PSME4: variants seen among roughly 807,000 people sequenced by gnomAD.
PSME4 encodes proteasome activator subunit 4.
PSME4 carries 89 observed loss-of-function variants against 253.9 expected under a neutral mutation model. That is an observed-to-expected ratio of 0.35 (90% CI 0.30 to 0.42). The LOEUF is 0.42. Ranked by LOEUF, PSME4 falls within the 10% of genes least tolerant of loss-of-function variation. PSME4 has a pLI of 1.00. For synonymous variants in PSME4, 851 were observed against 759.2 expected (o/e 1.12, Z -1.99); for missense variants, 2,014 against 2,195.2 (o/e 0.92, Z 1.65).
chr2:53,873,525 G>A (rs190195852), intron 43 of PSME4, among the ~76,000 whole-genome samples: 62 of 152,232 alleles, frequency 4.1e-4, no homozygotes, highest in Non-Finnish European at 6.3e-4. Flanking sequence ...TTAAAAAGTA[G>A]TATCTCATGC....
At chr2:53,938,474 C>CTTT (rs772903727) in intron 4 of PSME4, among the ~76,000 whole-genome samples, 1 of 132,876 alleles carries the variant, frequency 7.5e-6, no homozygotes, top group African/African-American at 2.8e-5. Flanking sequence ...CCTTAATGGG[C>CTTT]TTTTTTTTTT....
chr2:53,892,785 C>T (rs1219422388), intron 36 of PSME4, 23 bp downstream of exon 36: 2 of 1,595,340 alleles, frequency 1.3e-6, no homozygotes, highest in African/African-American at 2.7e-5. Context: ...AGGAAATGTT[C>T]TGTACAAATA....
intron 36 of PSME4, among the ~76,000 whole-genome samples, chr2:53,890,704 A>G (rs1404024320): frequency 1.3e-5 from 2 of 152,198 alleles, no homozygotes; most frequent in African/African-American, 4.8e-5. Context: ...AATATTCAGA[A>G]AAGAGTAAAT....
chr2:53,960,955 A>G (rs1670471493), intron 1 of PSME4, among the ~76,000 whole-genome samples: 1 of 152,090 alleles, frequency 6.6e-6, no homozygotes, highest in Admixed American at 6.6e-5. Flanking sequence ...TAAAAGTACA[A>G]AACTAGCTGG....
At chr2:53,868,575 TA>T (rs377694045) in intron 44 of PSME4, among the ~76,000 whole-genome samples, 2,069 of 106,670 alleles carry the variant, frequency 0.019, 55 homozygotes, top group African/African-American at 0.074. Flanking sequence ...ATATATATTA[TA>T]AAATATATTT....
intron 1 of PSME4, among the ~76,000 whole-genome samples, chr2:53,963,146 T>C (rs1026199257): frequency 3.3e-5 from 5 of 152,062 alleles, no homozygotes; most frequent in Non-Finnish European, 4.4e-5. Context: ...AGCAACATAG[T>C]GAGACTTTGT....
intron 3 of PSME4, among the ~76,000 whole-genome samples, chr2:53,940,273 T>G (rs1387141860): frequency 1.3e-5 from 2 of 152,164 alleles, no homozygotes; most frequent in Non-Finnish European, 2.9e-5. Context: ...GTTTTCAGTC[T>G]TTACAAGGTA....
rs1667757701 is a variant in PSME4, at chr2:53,909,986, A to G, written c.2572+89T>C. 2.6e-6 allele frequency: 3 copies of G among 1,137,144 alleles called. No homozygotes were observed. In the South Asian group the frequency reaches 3.7e-5, roughly 14 times the overall value. 70.4% of individuals were successfully genotyped at this position (1,137,144 alleles called of 1,614,324 possible). A position where few individuals can be genotyped will look rare whatever the true frequency, so the allele number is the denominator to read the frequency against. On this transcript the variant is annotated intron_variant, in intron 21 of 46. Coordinates refer to ENST00000404125, the MANE Select transcript of PSME4 (RefSeq NM_014614.3). ...CTCTGTCTCAAAACAAAACAAAACA[A>G]AAACACTACTTCATACTTCATTTTA...
chr2:53,900,364 G>A (rs547235156), intron 28 of PSME4, among the ~76,000 whole-genome samples: 72 of 151,206 alleles, frequency 4.8e-4, no homozygotes, highest in African/African-American at 1.7e-3. Context: ...TTTGAGACCA[G>A]CCCGGGGAAC....
At chr2:53,940,978 T>TA in intron 3 of PSME4, among the ~76,000 whole-genome samples, 1 of 70,998 alleles carries the variant, frequency 1.4e-5, no homozygotes, top group Admixed American at 1.6e-4. Context: ...TATATATATA[T>TA]ATATATATAT....
chr2:53,969,410 G>A (rs550562392), intron 1 of PSME4, among the ~76,000 whole-genome samples: 8 of 152,266 alleles, frequency 5.3e-5, no homozygotes, highest in Admixed American at 4.6e-4. Context: ...ATTGGCAGAT[G>A]AGAATCATCC....
At chr2:53,948,337 A>T in intron 3 of PSME4, 84 bp downstream of exon 3, 2 of 826,590 alleles carry the variant, frequency 2.4e-6, no homozygotes, top group Non-Finnish European at 4.1e-6. Flanking sequence ...TTTCTTTCAA[A>T]CAACTCAATA....
intron 3 of PSME4, among the ~76,000 whole-genome samples, chr2:53,941,392 G>C (rs373588579): frequency 6.6e-6 from 1 of 151,474 alleles, no homozygotes; most frequent in East Asian, 1.9e-4. Flanking sequence ...AAAAGGCTAA[G>C]CAATTCAAAA....
In PSME4 at chr2:53,948,491, G is replaced by C. The variant is rs1283475731; in HGVS notation, c.430C>G (p.Pro144Ala). 1.9e-6 allele frequency: 3 copies of C among 1,613,556 alleles called. No individual in the cohort carries two copies. Among genetic ancestry groups the C allele is most frequent in the Non-Finnish European group, 2.5e-6 (3 of 1,179,640 alleles). The change falls in exon 3 of 47, where the codon CCA becomes GCA. Residue 144 changes from proline (P) to alanine (A), a missense_variant. Physicochemically the swap from Pro to Ala is conservative, Grantham distance 27. Transcript: ENST00000404125. ...SRADLELPWR[P>A]LYDMVERILY... The stretch of plus-strand genomic sequence containing the variant: ...ATTCTTTCTACCATGTCATAAAGTG[G>C]TCTCCAGGGTAACTCCAAATCAGCT...
rs553234097 is a variant in PSME4 at position 53,924,570 on chromosome 2, A to G, written c.1809+969T>C. Reference sequence around the variant, plus strand: ...GGGAGTGATGTCATAAGCAATTTCTAAAACTCAGCTGAGTAACTGTTTTTA... The same window carrying G: ...GGGAGTGATGTCATAAGCAATTTCTGAAACTCAGCTGAGTAACTGTTTTTA... On this transcript the variant is annotated intron_variant, in intron 14 of 46. Coordinates refer to ENST00000404125, the MANE Select transcript of PSME4 (RefSeq NM_014614.3). Among the ~76,000 whole-genome samples, 85 of 152,352 alleles carry G rather than the reference A, an allele frequency of 5.6e-4. 1 individual carries two copies. In the South Asian group the frequency reaches 0.017, roughly 30 times the overall value.
chr2:53,928,663 GT>G (rs1485210188), intron 10 of PSME4, among the ~76,000 whole-genome samples: 3 of 152,114 alleles, frequency 2.0e-5, no homozygotes, highest in African/African-American at 4.8e-5. Context: ...ATGCATGCAT[GT>G]GAAAAAACAC....
chr2:53,919,047 A>T, intron 20 of PSME4, 104 bp downstream of exon 20: 1 of 1,139,778 alleles, frequency 8.8e-7, no homozygotes, highest in Non-Finnish European at 1.2e-6. Flanking sequence ...TAAAAAGGTT[A>T]AAGTGATACA....
chr2:53,950,744 G>A (rs1188773362), intron 1 of PSME4, among the ~76,000 whole-genome samples: 1 of 151,838 alleles, frequency 6.6e-6, no homozygotes, highest in Non-Finnish European at 1.5e-5. Flanking sequence ...GGGAGGCTGA[G>A]GCAGGAGAAT....
chr2:53,936,322 T>G (rs1669114414), intron 6 of PSME4, among the ~76,000 whole-genome samples, 161 bp from the exon 7 acceptor site: 1 of 152,184 alleles, frequency 6.6e-6, no homozygotes, highest in South Asian at 2.1e-4. Context: ...CAAATTTAAA[T>G]TGATTCATGT....
Sources: allele counts gnomAD v4.1 joint callset (sites outside exome capture counted in the v4.1 genomes callset), GRCh38; gene constraint gnomAD v4.1.1; transcripts MANE v1.5; gene names NCBI Gene and HGNC (gene_info 2026-07-23, HGNC 2026-07-21).